The following ATRN variants were observed in gnomAD, a reference collection of about 807,000 sequenced individuals.
ATRN encodes attractin.
ATRN carries 54 observed loss-of-function variants against 178.7 expected under a neutral mutation model. The ratio of observed to expected loss-of-function variants is 0.30; its 90% CI spans 0.24 to 0.38. The LOEUF (loss-of-function observed/expected upper bound fraction) is 0.38, where lower values mean the gene tolerates loss of function less well. Ranked by LOEUF, ATRN falls within the 10% of genes least tolerant of loss-of-function variation. The probability of loss-of-function intolerance (pLI) is 1.00; values close to 1 mark genes in which losing one functional copy is unlikely to be tolerated. For synonymous variants in ATRN, 636 were observed against 663.0 expected (o/e 0.96, Z 0.63); for missense variants, 1,443 against 1,815.1 (o/e 0.79, Z 3.73).
At chr20:3,472,806 TGTG>T (rs1461882567) in intron 1 of ATRN, among the ~76,000 whole-genome samples, 1 of 152,080 alleles carries the variant, frequency 6.6e-6, no homozygotes, top group Non-Finnish European at 1.5e-5. Flanking sequence ...GATTTGGAAA[TGTG>T]GAGCTGGAAA....
chr20:3,471,338 G>A lies in ATRN; in HGVS notation c.231G>A (p.Leu77=), dbSNP rs1420295252. 11 of 1,485,300 alleles carry A rather than the reference G, an allele frequency of 7.4e-6. No homozygotes were observed. The highest frequency in any genetic ancestry group is 2.9e-5 in the East Asian group (1 of 35,006). 92.0% of individuals were successfully genotyped at this position (1,485,300 alleles called of 1,614,324 possible). The part of the protein sequence containing the change: ...LLSPPLLLLL[L]PCEAEAAAAA... ...CGCCGCCGCTGCTGCTGCTGCTGCT[G>A]CCCTGTGAGGCCGAGGCCGCGGCGG... is the stretch of plus-strand genomic sequence containing the variant. Residue 77 remains leucine, a synonymous_variant, in exon 1 of 29, where the codon CTG becomes CTA. Coordinates refer to ENST00000262919, the MANE Select transcript of ATRN (RefSeq NM_139321.3).
At chr20:3,492,868 T>TGC (rs1568685734) in intron 1 of ATRN, among the ~76,000 whole-genome samples, 7 of 106,146 alleles carry the variant, frequency 6.6e-5, no homozygotes, top group African/African-American at 3.1e-4. Context: ...CGCGCGCGCG[T>TGC]GCGCACGCAC....
At chr20:3,507,525 A>G (rs769609244) in intron 1 of ATRN, among the ~76,000 whole-genome samples, 1 of 152,078 alleles carries the variant, frequency 6.6e-6, no homozygotes, top group Non-Finnish European at 1.5e-5. Context: ...AAAGGAGAAA[A>G]AAAGAGTGGA....
intron 26 of ATRN, among the ~76,000 whole-genome samples, chr20:3,634,645 T>G (rs1184117724): frequency 6.6e-6 from 1 of 152,216 alleles, no homozygotes; most frequent in East Asian, 1.9e-4. Flanking sequence ...GGTATTGACT[T>G]GGAAATGCCA....
chr20:3,498,863 T>C (rs1254943727), intron 1 of ATRN, among the ~76,000 whole-genome samples: 2 of 140,294 alleles, frequency 1.4e-5, no homozygotes, highest in African/African-American at 5.5e-5. Flanking sequence ...AAATAAAGGG[T>C]ATTCAATTAG....
intron 26 of ATRN, among the ~76,000 whole-genome samples, chr20:3,634,730 G>A (rs2087013184): frequency 2.0e-5 from 3 of 152,308 alleles, no homozygotes; most frequent in South Asian, 2.1e-4. Context: ...CAGCCACCGC[G>A]TGATTAGGCA....
chr20:3,646,982 C>G lies in ATRN; in HGVS notation c.*135C>G. On this transcript the variant is annotated 3_prime_UTR_variant, in exon 29 of 29. Coordinates refer to ENST00000262919, the MANE Select transcript of ATRN (RefSeq NM_139321.3). ...GGAAACCCTCAAAGCATCTGACTCA[C>G]CTGCATGATCACAAGCTTTCTTTGA... The G allele has an allele frequency of 8.6e-7, 1 of 1,160,456 alleles. No homozygotes were observed. Among genetic ancestry groups the G allele is most frequent in the Non-Finnish European group, 1.2e-6 (1 of 857,750 alleles). The allele number at this position is 1,160,456 out of a possible 1,614,324, so 71.9% of individuals were successfully genotyped here. A position where few individuals can be genotyped will look rare whatever the true frequency, so the allele number is the denominator to read the frequency against.
chr20:3,475,031 C>CAAAAA (rs1189030441), intron 1 of ATRN, among the ~76,000 whole-genome samples: 2 of 55,822 alleles, frequency 3.6e-5, no homozygotes, highest in African/African-American at 1.2e-4. Context: ...GACTCCATCT[C>CAAAAA]AAAAAAAAAA....
rs777701596 is a variant in ATRN at position 3,560,870 on chromosome 20, A to G, written c.1412A>G (p.Tyr471Cys). The G allele has an allele frequency of 5.6e-6, 9 of 1,613,986 alleles. No homozygotes were observed. The highest frequency in any genetic ancestry group is 1.1e-5 in the South Asian group (1 of 91,080). Residue 471 changes from tyrosine (Y) to cysteine (C), a missense_variant, in exon 8 of 29, where the codon TAT becomes TGT. By Grantham distance (194) the Tyr-to-Cys change is radical (BLOSUM62 -2). This residue lies in a region of ATRN where 862 missense variants were observed against 972.1 expected (regional missense o/e 0.89). Coordinates refer to ENST00000262919, the MANE Select transcript of ATRN (RefSeq NM_139321.3). ...MLVIFGHCPLYGYISNVQEYD... is the reference protein window; with the variant it reads ...MLVIFGHCPLCGYISNVQEYD... ...GTCATCTTTGGTCACTGCCCTCTCT[A>G]TGGATATATAAGCAATGTGCAGGAA...
intron 25 of ATRN, among the ~76,000 whole-genome samples, chr20:3,631,216 CT>C (rs959520658): frequency 6.6e-6 from 1 of 151,966 alleles, no homozygotes; most frequent in African/African-American, 2.4e-5. Flanking sequence ...TCCCAAGGTG[CT>C]GGGATTACCA....
intron 1 of ATRN, among the ~76,000 whole-genome samples, chr20:3,487,191 A>G (rs1023792951): frequency 1.3e-5 from 2 of 152,040 alleles, no homozygotes; most frequent in Non-Finnish European, 2.9e-5. Flanking sequence ...TCATAGTGTT[A>G]TTTTTTGATA....
rs368394749 is a variant in ATRN, at chr20:3,630,916, C to CTTTTTTTT, written c.3864-3354_3864-3347dup. 8.7e-4 allele frequency among the ~76,000 whole-genome samples: 38 copies of CTTTTTTTT among 43,454 alleles called. 8 individuals are homozygous for CTTTTTTTT. Among genetic ancestry groups the CTTTTTTTT allele is most frequent in the Non-Finnish European group, 1.1e-3 (27 of 23,616 alleles). The allele number at this position is 43,454 out of a possible 152,430, so 28.5% of individuals were successfully genotyped here. On this transcript the variant is annotated intron_variant, in intron 25 of 28. Transcript: ENST00000262919. The stretch of plus-strand genomic sequence containing the variant: ...ACCATGTCTAAAAGAATTTATTTAG[C>CTTTTTTTT]TTTTTTTTTTTTTTTTTTTTTTTTT...
At chr20:3,557,071 A>G (rs1013162930) in intron 6 of ATRN, among the ~76,000 whole-genome samples, 6 of 152,206 alleles carry the variant, frequency 3.9e-5, no homozygotes, top group African/African-American at 1.2e-4. Context: ...CATAAAGTCT[A>G]TATGTGTAGT....
At chr20:3,563,489 T>G (rs1047771281) in intron 10 of ATRN, 126 bp downstream of exon 10, 23 of 927,184 alleles carry the variant, frequency 2.5e-5, no homozygotes, top group Middle Eastern at 2.4e-4. Context: ...GTCCAAATGG[T>G]ATTTTTTATA....
intron 6 of ATRN, 104 bp from the exon 7 acceptor site, chr20:3,559,289 G>C (rs1341493648): frequency 3.5e-6 from 3 of 868,590 alleles, no homozygotes; most frequent in Non-Finnish European, 5.8e-6. Flanking sequence ...TACATCCATG[G>C]TGGATTTAGT....
intron 24 of ATRN, among the ~76,000 whole-genome samples, chr20:3,620,910 A>C (rs1031890644): frequency 6.6e-6 from 1 of 152,236 alleles, no homozygotes; most frequent in African/African-American, 2.4e-5. Flanking sequence ...CGCGGGCTAC[A>C]TGCAGCCCAG....
chr20:3,598,948 A>AACAAAAT (rs2086568710), intron 22 of ATRN, among the ~76,000 whole-genome samples: 3 of 152,244 alleles, frequency 2.0e-5, no homozygotes, highest in African/African-American at 4.8e-5. Context: ...AATGTTATCT[A>AACAAAAT]TAAACATTGC....
chr20:3,538,847 CTGTT>C (rs1600087617), intron 2 of ATRN, among the ~76,000 whole-genome samples: 1 of 152,156 alleles, frequency 6.6e-6, no homozygotes, highest in African/African-American at 2.4e-5. Context: ...AAGGTTTTCT[CTGTT>C]TGCTGTGTTT....
chr20:3,584,906 C>G, intron 18 of ATRN, 26 bp downstream of exon 18: 1 of 1,591,438 alleles, frequency 6.3e-7, no homozygotes, highest in Non-Finnish European at 8.6e-7. Context: ...TATCCAAATT[C>G]AAGTGTTTCA....
Sources: allele counts gnomAD v4.1 joint callset (sites outside exome capture counted in the v4.1 genomes callset), GRCh38; gene constraint gnomAD v4.1.1; regional missense constraint gnomAD v4.1.1; transcripts MANE v1.5; gene names NCBI Gene and HGNC (gene_info 2026-07-23, HGNC 2026-07-21).